SUN2: variants seen among roughly 807,000 people sequenced by gnomAD.
The protein encoded by SUN2 is Sad1 and UNC84 domain containing 2, also known as SUN domain-containing protein 2.
In SUN2, 60 loss-of-function variants were observed where a neutral mutation model predicts 100.0. That is an observed-to-expected ratio of 0.60 (90% CI 0.49 to 0.74). The LOEUF (loss-of-function observed/expected upper bound fraction) is 0.74, where lower values mean the gene tolerates loss of function less well. SUN2 is among the 30% of genes least tolerant of loss of function. The pLI is 0.00. For missense variants in SUN2, 834 were observed against 954.6 expected, an observed-to-expected ratio of 0.87 and a Z score of 1.66; for synonymous variants, 367 against 403.3, an observed-to-expected ratio of 0.91 and a Z score of 1.08.
chr22:38,746,269 T>C (rs948931035), intron 7 of SUN2, among the ~76,000 whole-genome samples: 6 of 152,134 alleles, frequency 3.9e-5, no homozygotes, highest in African/African-American at 1.4e-4. Flanking sequence ...GTGACTGTCA[T>C]GGGCCGCCAT....
In SUN2 at chr22:38,742,527, T is replaced by C. The variant is rs2092867992; in HGVS notation, c.842A>G (p.His281Arg). The part of the protein sequence containing the change: ...QAEQRVMSRV[H>R]SLERRLEALA... ...AGCTTCCAGACGCCGCTCCAGAGAG[T>C]GTACCCGGGACATAACACGCTGCTC... is the stretch of plus-strand genomic sequence containing the variant. The change falls in exon 9 of 18, where the codon CAC becomes CGC. Residue 281 changes from histidine to arginine, a missense_variant. By Grantham distance (29) the His-to-Arg change is conservative. Coordinates refer to ENST00000689035, the MANE Select transcript of SUN2 (RefSeq NM_015374.3). 1 of 1,612,476 alleles carries C rather than the reference T, an allele frequency of 6.2e-7. No individual in the cohort carries two copies. The highest frequency in any genetic ancestry group is 8.5e-7 in the Non-Finnish European group (1 of 1,179,888).
chr22:38,734,798 C>A lies in SUN2; in HGVS notation c.*1469G>T, dbSNP rs2092786879. ...GATCTGGAGATAAAAAACTTAAGAA[C>A]CAATAGTGCAGCATTTGTGACAGGA... On this transcript the variant is annotated 3_prime_UTR_variant, in exon 18 of 18. Transcript: ENST00000689035. The A allele has an allele frequency of 5.5e-6, 1 of 181,346 alleles. No individual in the cohort carries two copies. The allele number at this position is 181,346 out of a possible 1,614,324, so 11.2% of individuals were successfully genotyped here. A position where few individuals can be genotyped will look rare whatever the true frequency, so the allele number is the denominator to read the frequency against.
chr22:38,745,250 AC>A (rs919175491), intron 8 of SUN2: 25 of 463,986 alleles, frequency 5.4e-5, no homozygotes, highest in Admixed American at 2.6e-4. Context: ...CCCCCAGCTG[AC>A]CCCCCCAGCC....
In SUN2 at chr22:38,752,879, G is replaced by A. The variant is rs544875710; in HGVS notation, c.-37-214C>T. 7.2e-5 allele frequency among the ~76,000 whole-genome samples: 11 copies of A among 152,324 alleles called. No homozygotes were observed. In the East Asian group the frequency reaches 9.6e-4, roughly 13 times the overall value. ...CTGTGCAGCGGCTGGAGTCACGCCC[G>A]GCCTGGGGCTCACTTCGTGACTCTG... On this transcript the variant is annotated intron_variant, in intron 1 of 17. Coordinates refer to ENST00000689035, the MANE Select transcript of SUN2 (RefSeq NM_015374.3).
In SUN2 at chr22:38,740,865, C is replaced by G. The variant is rs2092850944; in HGVS notation, c.1190+142G>C. The G allele has an allele frequency of 1.2e-5, 11 of 923,248 alleles. No homozygotes were observed. In the South Asian group the frequency reaches 1.5e-4, roughly 12 times the overall value. The allele number at this position is 923,248 out of a possible 1,614,324, so 57.2% of individuals were successfully genotyped here. The stretch of plus-strand genomic sequence containing the variant: ...ACAGGCCCTGGGCAGGGGTCCTGAG[C>G]TGGGTTTCAACCCCTCCCCCTACCA... On this transcript the variant is annotated intron_variant, in intron 11 of 17. Transcript: ENST00000689035. This position sits in a 1 kb window ranked among gnomAD's most constrained non-coding sequence, Gnocchi z 4.8.
Position 38,748,564 on chromosome 22 carries a change from T to C in SUN2, c.685+149A>G. The C allele has an allele frequency of 1.2e-5, 10 of 864,446 alleles. No homozygotes were observed. In the South Asian group the frequency reaches 1.5e-4, roughly 13 times the overall value. The allele number at this position is 864,446 out of a possible 1,614,324, so 53.5% of individuals were successfully genotyped here. A position where few individuals can be genotyped will look rare whatever the true frequency, so the allele number is the denominator to read the frequency against. On this transcript the variant is annotated intron_variant, in intron 7 of 17. Coordinates refer to ENST00000689035, the MANE Select transcript of SUN2 (RefSeq NM_015374.3). ...GGCTCAGGAGAGGTGGGGAGGGCCA[T>C]GCAGAGATGATCCAGGGTCCAGGGC...
chr22:38,749,046 A>G, intron 6 of SUN2: 1 of 445,656 alleles, frequency 2.2e-6, no homozygotes, highest in Non-Finnish European at 4.0e-6. Context: ...GAAAAACTCA[A>G]AAATTTTTAT....
intron 1 of SUN2, among the ~76,000 whole-genome samples, chr22:38,754,065 G>A (rs997791403): frequency 1.3e-5 from 2 of 152,228 alleles, no homozygotes; most frequent in East Asian, 1.9e-4. Context: ...CGGTCACCAT[G>A]TGGGGCAGAA....
chr22:38,749,854 G>T lies in SUN2; in HGVS notation c.526C>A (p.Leu176Ile). The change falls in exon 6 of 18, where the codon CTC (leucine) becomes ATC (isoleucine). Residue 176 changes from leucine to isoleucine, a missense_variant. Coordinates refer to ENST00000689035, the MANE Select transcript of SUN2 (RefSeq NM_015374.3). ...LWMVATSPGR[L>I]FRLLYWWAGT... ...GCCCACCAGTAGAGAAGTCTGAAGAGCCGGCCTGGAAGAATGACCATCAAG... is the reference window on the plus strand; with the variant it reads ...GCCCACCAGTAGAGAAGTCTGAAGATCCGGCCTGGAAGAATGACCATCAAG... 1 of 1,613,120 alleles carries T rather than the reference G, an allele frequency of 6.2e-7. No individual in the cohort carries two copies. The highest frequency in any genetic ancestry group is 8.5e-7 in the Non-Finnish European group (1 of 1,179,658).
At chr22:38,745,524 A>G (rs901605915) in intron 8 of SUN2, among the ~76,000 whole-genome samples, 160 bp downstream of exon 8, 1 of 152,284 alleles carries the variant, frequency 6.6e-6, no homozygotes. Context: ...AATTTGTTGG[A>G]TTCCTTTTCT....
intron 1 of SUN2, chr22:38,754,679 G>A: frequency 7.8e-7 from 1 of 1,283,048 alleles, no homozygotes. Context: ...ACTCCTCTTA[G>A]CCTCTGTCCT....
intron 8 of SUN2, among the ~76,000 whole-genome samples, chr22:38,744,749 T>G (rs2092889559): frequency 6.6e-6 from 1 of 152,176 alleles, no homozygotes; most frequent in African/African-American, 2.4e-5. Flanking sequence ...TAAGTGATCC[T>G]CCCACCTTGG....
At position 38,739,669 on chromosome 22, in the gene SUN2, C is replaced by T. The variant is rs1363847339; in HGVS notation, c.1578+53G>A. On this transcript the variant is annotated intron_variant, in intron 13 of 17. Transcript: ENST00000689035. The surrounding 1 kb of genome is among the most constrained non-coding windows in gnomAD (Gnocchi z 6.7). ...TGGCAGTGTGGGACTGTCCAGGGCTCCCAGGGAGGAGAGCTGTGGGTGGGT... is the reference window on the plus strand; with the variant it reads ...TGGCAGTGTGGGACTGTCCAGGGCTTCCAGGGAGGAGAGCTGTGGGTGGGT... The T allele has an allele frequency of 6.3e-7, 1 of 1,587,306 alleles. No homozygotes were observed. The highest frequency in any genetic ancestry group is 8.6e-7 in the Non-Finnish European group (1 of 1,162,334).
chr22:38,741,856 G>A (rs1014428683), intron 9 of SUN2, among the ~76,000 whole-genome samples: 26 of 152,194 alleles, frequency 1.7e-4, no homozygotes, highest in Admixed American at 1.7e-3. Flanking sequence ...GAGAAGGTGA[G>A]GAGGCCTGGC....
intron 7 of SUN2, among the ~76,000 whole-genome samples, chr22:38,746,720 T>C (rs1372140774): frequency 2.0e-5 from 3 of 152,348 alleles, no homozygotes; most frequent in Middle Eastern, 3.4e-3. Context: ...CTGGGTACAT[T>C]GCTATGCAAT....
intron 1 of SUN2, chr22:38,754,811 T>C: frequency 7.8e-7 from 1 of 1,284,668 alleles, no homozygotes; most frequent in Middle Eastern, 2.1e-4. Context: ...TGCTGAAAAC[T>C]GTCAGCACCC....
intron 1 of SUN2, among the ~76,000 whole-genome samples, chr22:38,753,435 C>T (rs1172734494): frequency 2.0e-5 from 3 of 151,992 alleles, no homozygotes; most frequent in Admixed American, 1.3e-4. Context: ...AGGCTGGTCT[C>T]GAACTCCTGA....
chr22:38,742,153 A>C (rs2092863469), intron 9 of SUN2, 148 bp downstream of exon 9: 2 of 1,102,550 alleles, frequency 1.8e-6, no homozygotes, highest in Admixed American at 6.1e-5. Flanking sequence ...AAAAAGAAAA[A>C]AAAAAAAGAA....
chr22:38,737,032 A>C lies in SUN2; in HGVS notation c.2041-652T>G, dbSNP rs1444796468. Among the ~76,000 whole-genome samples, 1 of 152,158 alleles carries C rather than the reference A, an allele frequency of 6.6e-6. No individual in the cohort carries two copies. The highest frequency in any genetic ancestry group is 1.5e-5 in the Non-Finnish European group (1 of 68,026). The stretch of plus-strand genomic sequence containing the variant: ...CTAAATTTTTTAACATTTTTTGTAG[A>C]GTCGGGATCTCGCTGTGTTCACCAG... On this transcript the variant is annotated intron_variant, in intron 17 of 17. Transcript: ENST00000689035. This position sits in a 1 kb window ranked among gnomAD's most constrained non-coding sequence, Gnocchi z 4.1.
Sources: allele counts gnomAD v4.1 joint callset (sites outside exome capture counted in the v4.1 genomes callset), GRCh38; gene constraint gnomAD v4.1.1; non-coding constraint Gnocchi (gnomAD v3.1); transcripts MANE v1.5; gene names NCBI Gene and HGNC (gene_info 2026-07-23, HGNC 2026-07-21).